Variants in VWA2 observed in about 807,000 individuals in gnomAD.
VWA2 encodes the protein von Willebrand factor A domain containing 2.
A neutral mutation model predicts 70.4 loss-of-function variants in VWA2; 73 were observed. The ratio of observed to expected loss-of-function variants is 1.04; its 90% CI spans 0.86 to 1.26. VWA2 has a LOEUF of 1.26. Ranked by LOEUF, VWA2 falls within the 50% of genes most tolerant of loss-of-function variation. The pLI is 0.00. For synonymous variants in VWA2, 407 were observed against 423.3 expected, an observed-to-expected ratio of 0.96 and a Z score of 0.47; for missense variants, 1,011 against 998.5, an observed-to-expected ratio of 1.01 and a Z score of -0.17.
At chr10:114,257,931 C>T (rs1219517169) in intron 4 of VWA2, among the ~76,000 whole-genome samples, 7 of 152,220 alleles carry the variant, frequency 4.6e-5, no homozygotes, top group African/African-American at 1.7e-4. Context: ...ACACGATTAT[C>T]ATTTTCATGT....
In VWA2 at chr10:114,289,093, G is replaced by A. The variant is rs1482892986; in HGVS notation, c.1726G>A (p.Gly576Ser). The A allele has an allele frequency of 6.2e-7, 1 of 1,614,212 alleles. No homozygotes were observed. The highest frequency in any genetic ancestry group is 8.5e-7 in the Non-Finnish European group (1 of 1,180,034). ...DVTQVGLVVY[G>S]SQVQTAFGLD... ...GACACAGGTCGGCCTGGTGGTGTAT[G>A]GCAGCCAGGTGCAGACTGCCTTCGG... Residue 576 changes from glycine (G) to serine (S), a missense_variant, in exon 12 of 14, where the codon GGC becomes AGC. Gly to Ser is a moderately conservative substitution (Grantham distance 56, BLOSUM62 0). Coordinates refer to ENST00000392982, the MANE Select transcript of VWA2 (RefSeq NM_001272046.2).
chr10:114,286,205 A>G lies in VWA2; in HGVS notation c.1264A>G (p.Thr422Ala). The G allele has an allele frequency of 6.2e-7, 1 of 1,613,954 alleles. No homozygotes were observed. The highest frequency in any genetic ancestry group is 1.1e-5 in the South Asian group (1 of 91,070). The change falls in exon 11 of 14, where the codon ACG becomes GCG. Residue 422 changes from threonine (T) to alanine (A), a missense_variant. Transcript: ENST00000392982. ...GIPFRGGPTL[T>A]GSALRQAAER... ...TCCCTTCCGTGGTGGCCCCACCCTG[A>G]CGGGCAGTGCCTTGCGGCAGGCGGC...
intron 2 of VWA2, among the ~76,000 whole-genome samples, chr10:114,250,117 T>C (rs1261393197): frequency 2.0e-5 from 3 of 152,210 alleles, no homozygotes; most frequent in Non-Finnish European, 4.4e-5. Context: ...TTCAAACCCC[T>C]TGTAGACCTT....
At chr10:114,278,179 C>G in intron 7 of VWA2, 132 bp downstream of exon 7, 1 of 1,302,796 alleles carries the variant, frequency 7.7e-7, no homozygotes, top group Admixed American at 2.5e-5. Context: ...CCGGCAGCCT[C>G]CACCCTGGAT....
chr10:114,288,543 G>A (rs11196684), intron 11 of VWA2, among the ~76,000 whole-genome samples: 37,702 of 152,044 alleles, frequency 0.25, 4,910 homozygotes, highest in African/African-American at 0.32. Flanking sequence ...TGAGTGGCCC[G>A]GGCCAGCAGG....
intron 5 of VWA2, among the ~76,000 whole-genome samples, chr10:114,270,530 G>A (rs1290866589): frequency 6.6e-6 from 1 of 152,152 alleles, no homozygotes; most frequent in East Asian, 1.9e-4. Context: ...ATGGATGTAA[G>A]GATTACATTC....
intron 1 of VWA2, among the ~76,000 whole-genome samples, chr10:114,248,057 A>T (rs2037110988): frequency 6.6e-6 from 1 of 151,860 alleles, no homozygotes; most frequent in Non-Finnish European, 1.5e-5. Flanking sequence ...GCAGTGAGCC[A>T]AGATCGTGCC....
intron 2 of VWA2, among the ~76,000 whole-genome samples, chr10:114,249,445 G>C (rs1008660195): frequency 2.0e-5 from 3 of 152,128 alleles, no homozygotes; most frequent in African/African-American, 7.2e-5. Flanking sequence ...TAGTAGAGAA[G>C]GGGTTTCACC....
rs78808693 is a variant in VWA2 at position 114,276,276 on chromosome 10, C to T, written c.567-1638C>T. Among the ~76,000 whole-genome samples, 857 of 152,288 alleles carry T rather than the reference C, an allele frequency of 5.6e-3. 4 individuals are homozygous for T. The highest frequency in any genetic ancestry group is 0.02 in the African/African-American group (822 of 41,560). On this transcript the variant is annotated intron_variant, in intron 6 of 13. Coordinates refer to ENST00000392982, the MANE Select transcript of VWA2 (RefSeq NM_001272046.2). ...GTCGCTGTTGCTCACTGGTTCTCAA[C>T]GTGTGCTCCCTGGATGCAGTATCTT...
Position 114,272,862 on chromosome 10 carries a change from A to G in VWA2, c.494A>G (p.Asp165Gly), listed in dbSNP as rs767384939. 2 of 1,613,886 alleles carry G rather than the reference A, an allele frequency of 1.2e-6. No homozygotes were observed. The highest frequency in any genetic ancestry group is 8.5e-7 in the Non-Finnish European group (1 of 1,179,934). The change falls in exon 6 of 14, where the codon GAT becomes GGT. Residue 165 changes from aspartate to glycine, a missense_variant. Transcript: ENST00000392982. Reference protein sequence around the residue: ...IIVTDGKSQGDVALPSKQLKE... With the variant: ...IIVTDGKSQGGVALPSKQLKE... ...GTCACTGATGGGAAGTCCCAGGGGG[A>G]TGTGGCACTGCCATCCAAGCAGCTG...
intron 8 of VWA2, among the ~76,000 whole-genome samples, chr10:114,281,991 C>A (rs115148395): frequency 0.016 from 2,485 of 150,742 alleles, 76 homozygotes; most frequent in African/African-American, 0.058. Context: ...TCCCTAATTT[C>A]AAATGTGATA....
rs2039871205 is a variant in VWA2 at position 114,294,324 on chromosome 10, TATATTC to T, written c.*3091_*3096del. ...CATATTTCTCAAACTTTTACACTGA[TATATTC>T]ATAGTATTTTTTTATAATTTGAAAA... is the stretch of plus-strand genomic sequence containing the variant. On this transcript the variant is annotated 3_prime_UTR_variant, in exon 14 of 14. Coordinates refer to ENST00000392982, the MANE Select transcript of VWA2 (RefSeq NM_001272046.2). Among the ~76,000 whole-genome samples the T allele has an allele frequency of 1.3e-5, 2 of 152,220 alleles. No individual in the cohort carries two copies. Among genetic ancestry groups the T allele is most frequent in the Admixed American group, 1.3e-4 (2 of 15,276 alleles).
chr10:114,281,506 C>T (rs1225496106), intron 8 of VWA2, among the ~76,000 whole-genome samples: 6 of 152,246 alleles, frequency 3.9e-5, no homozygotes, highest in Non-Finnish European at 1.5e-5. Flanking sequence ...ACCATCTCTT[C>T]AGGTAGCTGT....
intron 5 of VWA2, among the ~76,000 whole-genome samples, chr10:114,264,079 A>G (rs1176434347): frequency 6.6e-6 from 1 of 152,232 alleles, no homozygotes; most frequent in Non-Finnish European, 1.5e-5. Context: ...TGCCTGCCAC[A>G]TTGGAAAAAG....
At chr10:114,284,757 T>C in intron 9 of VWA2, 106 bp from the exon 10 acceptor site, 2 of 1,042,428 alleles carry the variant, frequency 1.9e-6, no homozygotes, top group Non-Finnish European at 1.4e-6. Context: ...AGGGAGGGGC[T>C]GGGCCACTGC....
At chr10:114,277,166 G>GTTTTTTTTT (rs1564727758) in intron 6 of VWA2, among the ~76,000 whole-genome samples, 1 of 89,408 alleles carries the variant, frequency 1.1e-5, no homozygotes, top group African/African-American at 4.7e-5. Context: ...CTGACTGCAC[G>GTTTTTTTTT]TCTTTTTTTT....
intron 6 of VWA2, among the ~76,000 whole-genome samples, chr10:114,273,667 CTG>C (rs2037759806): frequency 6.6e-6 from 1 of 152,218 alleles, no homozygotes; most frequent in East Asian, 1.9e-4. Flanking sequence ...GGTCTGGGCA[CTG>C]TGTTTGCACA....
At chr10:114,254,523 G>A (rs747101997) in intron 3 of VWA2, among the ~76,000 whole-genome samples, 2 of 152,120 alleles carry the variant, frequency 1.3e-5, no homozygotes, top group Non-Finnish European at 2.9e-5. Context: ...CATTGCTGCT[G>A]TTACTGCTAC....
chr10:114,286,179 T>C lies in VWA2; in HGVS notation c.1238T>C (p.Ile413Thr). 6.2e-7 allele frequency: 1 copy of C among 1,614,026 alleles called. No individual in the cohort carries two copies. Among genetic ancestry groups the C allele is most frequent in the Non-Finnish European group, 8.5e-7 (1 of 1,179,992 alleles). Reference sequence around the variant, plus strand: ...GACCTGGTCTGGAGCCTCGATGGCATTCCCTTCCGTGGTGGCCCCACCCTG... The same window carrying C: ...GACCTGGTCTGGAGCCTCGATGGCACTCCCTTCCGTGGTGGCCCCACCCTG... The part of the protein sequence containing the change: ...VPDLVWSLDG[I>T]PFRGGPTLTG... Residue 413 changes from isoleucine to threonine, a missense_variant, in exon 11 of 14, where the codon ATT becomes ACT. Ile to Thr is a moderately conservative substitution (Grantham distance 89). Coordinates refer to ENST00000392982, the MANE Select transcript of VWA2 (RefSeq NM_001272046.2).
Sources: allele counts gnomAD v4.1 joint callset (sites outside exome capture counted in the v4.1 genomes callset), GRCh38; gene constraint gnomAD v4.1.1; transcripts MANE v1.5; gene names NCBI Gene and HGNC (gene_info 2026-07-23, HGNC 2026-07-21).